DOCK4: variants seen among roughly 807,000 people sequenced by gnomAD.
The protein encoded by DOCK4 is dedicator of cytokinesis protein 4.
In DOCK4, 97 loss-of-function variants were observed where a neutral mutation model predicts 268.1. That is an observed-to-expected ratio of 0.36 (90% confidence interval 0.31 to 0.43). The LOEUF (loss-of-function observed/expected upper bound fraction) is 0.43. DOCK4 is among the 20% of genes least tolerant of loss of function. The pLI is 1.00. For missense variants in DOCK4, 2,145 were observed against 2,455.7 expected, an observed-to-expected ratio of 0.87 and a Z score of 2.67; for synonymous variants, 954 against 887.2, an observed-to-expected ratio of 1.08 and a Z score of -1.34.
chr7:111,904,775 T>C lies in DOCK4; in HGVS notation c.1193-2974A>G, dbSNP rs187845579. Among the ~76,000 whole-genome samples the C allele has an allele frequency of 1.2e-3, 182 of 152,272 alleles. 3 individuals carry two copies. The South Asian group carries it at 0.024, about 20-fold the overall frequency. The stretch of plus-strand genomic sequence containing the variant: ...ACCTCTGGGTCTCAGGTTTTTGTTA[T>C]TAACATGAGAATAGGGTAAAGGTGG... On this transcript the variant is annotated intron_variant, in intron 13 of 52. Coordinates refer to ENST00000428084, the MANE Select transcript of DOCK4 (RefSeq NM_001363540.2).
chr7:112,202,906 G>A (rs1416608764), intron 1 of DOCK4, among the ~76,000 whole-genome samples: 4 of 151,936 alleles, frequency 2.6e-5, no homozygotes, highest in Admixed American at 6.6e-5. Flanking sequence ...GAGAAAGAGA[G>A]GAACCAGCAC....
At chr7:111,757,064 GAGCGGCTTGCGA>G (rs1797069675) in intron 41 of DOCK4, among the ~76,000 whole-genome samples, 1 of 152,016 alleles carries the variant, frequency 6.6e-6, no homozygotes, top group Admixed American at 6.6e-5. Context: ...CTGGCAGGAG[GAGCGGCTTGCGA>G]AAGGGCTTGG....
intron 16 of DOCK4, among the ~76,000 whole-genome samples, chr7:111,883,208 T>G (rs12539182): frequency 0.19 from 28,321 of 152,130 alleles, 3,237 homozygotes; most frequent in African/African-American, 0.32. Flanking sequence ...AAAGTAATGT[T>G]CTGGAACCCT....
At chr7:112,160,704 T>A (rs534045953) in intron 1 of DOCK4, among the ~76,000 whole-genome samples, 5 of 152,362 alleles carry the variant, frequency 3.3e-5, no homozygotes, top group Admixed American at 3.3e-4. Context: ...GAAAACAGAA[T>A]GTTCCTTCAG....
intron 7 of DOCK4, among the ~76,000 whole-genome samples, chr7:111,983,083 C>A (rs1357245989): frequency 6.6e-6 from 1 of 152,150 alleles, no homozygotes; most frequent in Non-Finnish European, 1.5e-5. Context: ...CAACACCACT[C>A]TGAAGAAATT....
intron 1 of DOCK4, among the ~76,000 whole-genome samples, chr7:112,008,925 G>T (rs1801074256): frequency 6.6e-6 from 1 of 152,162 alleles, no homozygotes. Flanking sequence ...CCCGGGAGGC[G>T]GAGGTTGCAG....
At chr7:112,181,789 C>T (rs181701715) in intron 1 of DOCK4, among the ~76,000 whole-genome samples, 51 of 152,058 alleles carry the variant, frequency 3.4e-4, no homozygotes, top group African/African-American at 1.0e-3. Flanking sequence ...ATGGATTGAA[C>T]GGTACGTGCA....
rs1321011481 is a variant in DOCK4 at position 111,944,756 on chromosome 7, G to A, written c.844+55C>T. On this transcript the variant is annotated intron_variant, in intron 10 of 52. Coordinates refer to ENST00000428084, the MANE Select transcript of DOCK4 (RefSeq NM_001363540.2). ...AATCACAACAACATAGAAACCTCTT[G>A]GCATTTCTCCTCTCTGTTCCTTGCC... 5 of 1,485,040 alleles carry A rather than the reference G, an allele frequency of 3.4e-6. No homozygotes were observed. In the African/African-American group the frequency reaches 4.1e-5, roughly 12 times the overall value. 92.0% of individuals were successfully genotyped at this position (1,485,040 alleles called of 1,614,324 possible).
At chr7:111,917,051 G>A (rs796761538) in intron 12 of DOCK4, among the ~76,000 whole-genome samples, 16 of 143,238 alleles carry the variant, frequency 1.1e-4, no homozygotes, top group African/African-American at 3.7e-4. Flanking sequence ...ACAGTGGCGC[G>A]ATCTTGGCTC....
rs368007185 is a variant in DOCK4 at position 112,127,866 on chromosome 7, T to C, written c.37+78236A>G. ...CTACAGGGTAAAACCCCATCTCTAC[T>C]AAAAATACAAAAATTAGTCGGGCAT... On this transcript the variant is annotated intron_variant, in intron 1 of 52. Transcript: ENST00000428084. 2.6e-5 allele frequency among the ~76,000 whole-genome samples: 4 copies of C among 152,046 alleles called. No individual in the cohort carries two copies. In the East Asian group the frequency reaches 7.7e-4, roughly 29 times the overall value.
intron 47 of DOCK4, 33 bp from the exon 48 acceptor site, chr7:111,739,510 T>G (rs1795748477): frequency 6.5e-7 from 1 of 1,533,656 alleles, no homozygotes; most frequent in Non-Finnish European, 8.8e-7. Context: ...TATCATACCC[T>G]GATTAAAGGC....
intron 26 of DOCK4, among the ~76,000 whole-genome samples, chr7:111,828,450 A>G (rs1316178749): frequency 6.6e-6 from 1 of 152,236 alleles, no homozygotes; most frequent in Non-Finnish European, 1.5e-5. Context: ...TACTTTTAAA[A>G]TTCATTTTGA....
chr7:111,784,083 A>C lies in DOCK4; in HGVS notation c.3428+14T>G, dbSNP rs770346977. On this transcript the variant is annotated intron_variant, in intron 33 of 52. Coordinates refer to ENST00000428084, the MANE Select transcript of DOCK4 (RefSeq NM_001363540.2). ...ACATCTCACAAGTAGCACAATTTGC[A>C]AACAATGTCTTACCTAGGATAGGGA... is the stretch of plus-strand genomic sequence containing the variant. The C allele has an allele frequency of 1.9e-6, 3 of 1,580,756 alleles. No homozygotes were observed. The African/African-American group carries it at 4.0e-5, about 21-fold the overall frequency.
chr7:112,000,675 T>A lies in DOCK4; in HGVS notation c.122-141A>T, dbSNP rs1451345837. On this transcript the variant is annotated intron_variant, in intron 2 of 52. Coordinates refer to ENST00000428084, the MANE Select transcript of DOCK4 (RefSeq NM_001363540.2). ...GGATAAATATGGTAGGTATTGGCCT[T>A]AGGCTACAAAATAGCTCGAGTGACC... is the stretch of plus-strand genomic sequence containing the variant. 1.2e-5 allele frequency: 6 copies of A among 521,492 alleles called. No individual in the cohort carries two copies. The African/African-American group carries it at 1.2e-4, about 10-fold the overall frequency. The allele number at this position is 521,492 out of a possible 1,614,324, so 32.3% of individuals were successfully genotyped here.
chr7:111,860,828 G>T (rs1805449392), intron 23 of DOCK4, among the ~76,000 whole-genome samples: 1 of 152,134 alleles, frequency 6.6e-6, no homozygotes, highest in Non-Finnish European at 1.5e-5. Flanking sequence ...TTCTAGTCCT[G>T]ATTTCTCTAT....
intron 12 of DOCK4, among the ~76,000 whole-genome samples, chr7:111,932,516 A>T (rs1279617923): frequency 1.3e-5 from 2 of 152,184 alleles, no homozygotes; most frequent in Non-Finnish European, 2.9e-5. Context: ...ACTTAAAAAA[A>T]TGCTAGCCTT....
intron 36 of DOCK4, among the ~76,000 whole-genome samples, chr7:111,774,755 C>T (rs1798342083): frequency 6.6e-6 from 1 of 152,174 alleles, no homozygotes; most frequent in African/African-American, 2.4e-5. Context: ...TTTTGTAGAA[C>T]ACATACACTG....
intron 6 of DOCK4, among the ~76,000 whole-genome samples, chr7:111,986,936 CA>C (rs1192235491): frequency 6.6e-6 from 1 of 152,180 alleles, no homozygotes; most frequent in African/African-American, 2.4e-5. Flanking sequence ...GCTTATTTTG[CA>C]GGACAATTTC....
At chr7:111,969,443 A>G (rs1260803500) in intron 8 of DOCK4, among the ~76,000 whole-genome samples, 1 of 151,466 alleles carries the variant, frequency 6.6e-6, no homozygotes, top group East Asian at 1.9e-4. Context: ...TAAAAAAACA[A>G]AAAAACAAAA....
Sources: allele counts gnomAD v4.1 joint callset (sites outside exome capture counted in the v4.1 genomes callset), GRCh38; gene constraint gnomAD v4.1.1; transcripts MANE v1.5; gene names NCBI Gene and HGNC (gene_info 2026-07-23, HGNC 2026-07-21).